Variants in MAP7 observed in about 807,000 individuals in gnomAD.
MAP7 encodes the protein ensconsin.
A neutral mutation model predicts 94.8 loss-of-function variants in MAP7; 52 were observed. That is an observed-to-expected ratio of 0.55 (90% CI 0.44 to 0.69). The LOEUF is 0.69. MAP7 is among the 30% of genes least tolerant of loss of function. MAP7 has a pLI of 0.00. For synonymous variants in MAP7, 350 were observed against 357.0 expected, an observed-to-expected ratio of 0.98 and a Z score of 0.22; for missense variants, 940 against 964.6, an observed-to-expected ratio of 0.97 and a Z score of 0.34.
intron 1 of MAP7, among the ~76,000 whole-genome samples, chr6:136,434,221 C>T (rs12209454): frequency 0.058 from 8,776 of 151,326 alleles, 361 homozygotes; most frequent in Admixed American, 0.11. Context: ...GCAGGAGAAC[C>T]GCTTGAACCC....
chr6:136,535,828 T>C (rs1828838965), intron 1 of MAP7, among the ~76,000 whole-genome samples: 1 of 151,834 alleles, frequency 6.6e-6, no homozygotes, highest in African/African-American at 2.4e-5. Context: ...ACCTGTGCCA[T>C]GTTGGTGTGC....
chr6:136,518,211 C>T (rs984252382), intron 1 of MAP7, among the ~76,000 whole-genome samples: 2 of 152,120 alleles, frequency 1.3e-5, no homozygotes, highest in African/African-American at 4.8e-5. Context: ...TGAATCTAGT[C>T]CCCCAAACCA....
At position 136,421,749 on chromosome 6, in the gene MAP7, C is replaced by G; in HGVS notation, c.118G>C (p.Ala40Pro). 1 of 1,614,016 alleles carries G rather than the reference C, an allele frequency of 6.2e-7. No individual in the cohort carries two copies. The highest frequency in any genetic ancestry group is 2.2e-5 in the East Asian group (1 of 44,870). ...TTATTTTGTCCTGAAATTGCAGAGG[C>G]AGGGCGGCTGGAGGCATTTTTCTTA... ...QDKKNASSRP[A>P]SAISGQNNNH... is the part of the protein sequence containing the mutation. Residue 40 changes from alanine (A) to proline (P), a missense_variant, in exon 2 of 18, where the codon GCC becomes CCC. Ala to Pro is a conservative substitution (Grantham distance 27). Coordinates refer to ENST00000354570, the MANE Select transcript of MAP7 (RefSeq NM_003980.6).
intron 7 of MAP7, among the ~76,000 whole-genome samples, chr6:136,374,591 A>G (rs1364420481): frequency 6.6e-6 from 1 of 152,224 alleles, no homozygotes; most frequent in Non-Finnish European, 1.5e-5. Context: ...CAAGTGGAAA[A>G]TAACAATTTC....
intron 11 of MAP7, among the ~76,000 whole-genome samples, chr6:136,362,044 C>T (rs1753215844): frequency 6.6e-6 from 1 of 152,104 alleles, no homozygotes; most frequent in Non-Finnish European, 1.5e-5. Context: ...CCAAAATGTA[C>T]ACTATTACTG....
intron 2 of MAP7, among the ~76,000 whole-genome samples, chr6:136,414,233 A>C (rs1235389000): frequency 1.7e-5 from 2 of 114,312 alleles, no homozygotes; most frequent in African/African-American, 6.3e-5. Context: ...AGCCTGGGCG[A>C]CAGAGCGAGA....
chr6:136,393,271 G>A (rs1351388375), intron 3 of MAP7, among the ~76,000 whole-genome samples: 1 of 151,986 alleles, frequency 6.6e-6, no homozygotes, highest in African/African-American at 2.4e-5. Flanking sequence ...CTTTGTTATT[G>A]TCCTGTTGGG....
At chr6:136,383,072 G>A (rs1778238926) in intron 6 of MAP7, among the ~76,000 whole-genome samples, 3 of 152,012 alleles carry the variant, frequency 2.0e-5, no homozygotes, top group Admixed American at 2.0e-4. Flanking sequence ...TGTTAATAAA[G>A]GACTATGAAT....
chr6:136,496,777 TAAAAAAAAAAAAAA>T (rs1171059105), intron 1 of MAP7, among the ~76,000 whole-genome samples: 33 of 53,320 alleles, frequency 6.2e-4, no homozygotes, highest in Middle Eastern at 0.011. Context: ...CCGTCTCTAC[TAAAAAAAAAAAAAA>T]AAAAAAAAAA....
In MAP7 at chr6:136,394,931, C is replaced by CATATATATATATATATAT. The variant is rs144839767; in HGVS notation, c.245-5432_245-5415dup. On this transcript the variant is annotated intron_variant, in intron 3 of 17. Transcript: ENST00000354570. The stretch of plus-strand genomic sequence containing the variant: ...TTTTTATGGTTGAATAATATTCCAT[C>CATATATATATATATATAT]ATATATATATATATATATATATATA... Among the ~76,000 whole-genome samples, 66 of 27,488 alleles carry CATATATATATATATATAT rather than the reference C, an allele frequency of 2.4e-3. 11 individuals are homozygous for CATATATATATATATATAT. The highest frequency in any genetic ancestry group is 3.5e-3 in the Non-Finnish European group (38 of 10,904). 18.0% of individuals were successfully genotyped at this position (27,488 alleles called of 152,430 possible).
At chr6:136,459,992 T>C (rs962426965) in intron 1 of MAP7, among the ~76,000 whole-genome samples, 2 of 152,200 alleles carry the variant, frequency 1.3e-5, no homozygotes, top group Non-Finnish European at 2.9e-5. Flanking sequence ...TCTATTGTCA[T>C]GAAAAAGTTC....
intron 15 of MAP7, among the ~76,000 whole-genome samples, chr6:136,357,985 C>T (rs1791481062): frequency 6.6e-6 from 1 of 152,130 alleles, no homozygotes; most frequent in Non-Finnish European, 1.5e-5. Flanking sequence ...GCCTGCATAC[C>T]CACCTTAGAA....
chr6:136,346,170 A>G, intron 16 of MAP7, 91 bp from the exon 17 acceptor site: 1 of 703,176 alleles, frequency 1.4e-6, no homozygotes. Flanking sequence ...TATAATGAAT[A>G]ATTTTATAAA....
intron 1 of MAP7, among the ~76,000 whole-genome samples, chr6:136,433,048 G>T (rs1401321804): frequency 6.6e-6 from 1 of 151,954 alleles, no homozygotes; most frequent in East Asian, 1.9e-4. Context: ...CTTTAAGAAA[G>T]AAATGTCTAT....
At position 136,372,545 on chromosome 6, in the gene MAP7, G is replaced by C. The variant is rs138297502; in HGVS notation, c.832C>G (p.Pro278Ala). 3.7e-6 allele frequency: 6 copies of C among 1,614,070 alleles called. No homozygotes were observed. In the African/African-American group the frequency reaches 5.3e-5, roughly 14 times the overall value. ...SMDRPKLFVT[P>A]PEGSSRRRII... The stretch of plus-strand genomic sequence containing the variant: ...CTCCTGCGAGAAGAGCCCTCAGGTG[G>C]TGTTACAAAGAGTTTTGGTCGATCC... Residue 278 changes from proline to alanine, a missense_variant, in exon 8 of 18, where the codon CCA becomes GCA. Pro to Ala is a conservative substitution (Grantham distance 27). Coordinates refer to ENST00000354570, the MANE Select transcript of MAP7 (RefSeq NM_003980.6).
At chr6:136,435,307 G>A (rs1409214843) in intron 1 of MAP7, among the ~76,000 whole-genome samples, 1 of 152,208 alleles carries the variant, frequency 6.6e-6, no homozygotes, top group African/African-American at 2.4e-5. Context: ...GCAAAGGGCT[G>A]TCACAGGCCT....
chr6:136,530,965 T>A (rs1828433532), intron 1 of MAP7, among the ~76,000 whole-genome samples: 1 of 144,714 alleles, frequency 6.9e-6, no homozygotes, highest in Admixed American at 6.7e-5. Flanking sequence ...TGCTCTATCA[T>A]AAACAAATTT....
intron 1 of MAP7, among the ~76,000 whole-genome samples, chr6:136,429,856 C>G (rs112035557): frequency 1.3e-5 from 2 of 152,138 alleles, no homozygotes; most frequent in African/African-American, 4.8e-5. Flanking sequence ...TTTCCCCTTG[C>G]GTTAATATAA....
intron 1 of MAP7, chr6:136,525,884 G>GGT (rs1470907243): frequency 6.5e-7 from 1 of 1,535,398 alleles, no homozygotes; most frequent in South Asian, 1.2e-5. Context: ...CCTCATTAAT[G>GGT]GTGAATAAAC....
Sources: gnomAD v4.1 joint callset for allele counts (sites outside exome capture counted in the v4.1 genomes callset) on GRCh38, gnomAD v4.1.1 for gene constraint, MANE v1.5 for transcripts, NCBI Gene and HGNC (gene_info 2026-07-23, HGNC 2026-07-21) for gene names.